Variants in ZNF726 observed in about 807,000 individuals in gnomAD.
The protein encoded by ZNF726 is zinc finger protein 92 pseudogene 3.
A neutral mutation model predicts 11.6 loss-of-function variants in ZNF726; 15 were observed. The observed-to-expected ratio is 1.29, with a 90% CI of 0.86 to 1.99. ZNF726 has a LOEUF of 1.99. ZNF726 is among the 30% of genes most tolerant of loss of function. The probability of loss-of-function intolerance (pLI) is 0.00; values close to 1 mark genes in which losing one functional copy is unlikely to be tolerated. For synonymous variants in ZNF726, 295 were observed against 243.6 expected, an observed-to-expected ratio of 1.21 and a Z score of -1.96; for missense variants, 890 against 725.6, an observed-to-expected ratio of 1.23 and a Z score of -2.60.
intron 3 of ZNF726, among the ~76,000 whole-genome samples, chr19:23,927,341 T>G (rs1345560700): frequency 6.6e-6 from 1 of 152,226 alleles, no homozygotes; most frequent in Non-Finnish European, 1.5e-5. Flanking sequence ...TTTTTATTCC[T>G]GAGCAAAAAT....
chr19:23,924,547 T>A (rs1458934722), intron 3 of ZNF726, among the ~76,000 whole-genome samples: 1 of 152,122 alleles, frequency 6.6e-6, no homozygotes, highest in African/African-American at 2.4e-5. Context: ...ATAATTGTTT[T>A]AAAAAAACAT....
chr19:23,936,940 G>T (rs1389481099), downstream of ZNF726, among the ~76,000 whole-genome samples: 1 of 151,890 alleles, frequency 6.6e-6, no homozygotes, highest in Non-Finnish European at 1.5e-5. Context: ...AACCGCCATT[G>T]TCATCATGGC....
chr19:23,929,019 A>G (rs1035611078), intron 3 of ZNF726: 1 of 151,998 alleles, frequency 6.6e-6, no homozygotes, highest in Non-Finnish European at 1.5e-5. Context: ...GCTGGTCTCA[A>G]ACTTCTGAGA....
intron 3 of ZNF726, among the ~76,000 whole-genome samples, chr19:23,931,467 C>T (rs1169362662): frequency 6.8e-6 from 1 of 146,624 alleles, no homozygotes. Context: ...CAATTTATTA[C>T]CAATTCTTAA....
chr19:23,934,150 G>A lies in ZNF726; in HGVS notation c.*183G>A. The A allele has an allele frequency of 1.1e-6, 1 of 902,212 alleles. No individual in the cohort carries two copies. Among genetic ancestry groups the A allele is most frequent in the Non-Finnish European group, 1.8e-6 (1 of 548,110 alleles). 55.9% of individuals were successfully genotyped at this position (902,212 alleles called of 1,614,324 possible). ...TGGAGAGAAACCTTACAAGTGTGAA[G>A]AATGTGGGAAAGCTTTTAATCATTC... On this transcript the variant is annotated 3_prime_UTR_variant, in exon 4 of 4. Transcript: ENST00000594466.
At position 23,919,305 on chromosome 19, in the gene ZNF726, C is replaced by T. The variant is rs549599607; in HGVS notation, c.4-68C>T. On this transcript the variant is annotated intron_variant, in intron 1 of 3. Coordinates refer to ENST00000594466, the MANE Select transcript of ZNF726 (RefSeq NM_001244038.2). ...AATTCTATTCACTTTCTGATTTTAC[C>T]TTGAGTCAAATGAAAAATTCTGCCC... 3.8e-5 allele frequency: 60 copies of T among 1,574,854 alleles called. No homozygotes were observed. The South Asian group carries it at 6.4e-4, about 17-fold the overall frequency.
chr19:23,942,516 T>A (rs537464546), intron 3 of ZNF726, among the ~76,000 whole-genome samples: 200 of 152,348 alleles, frequency 1.3e-3, no homozygotes, highest in African/African-American at 4.6e-3. Flanking sequence ...TTTCTTTGTT[T>A]ACTTTCTGTC....
Position 23,919,474 on chromosome 19 carries a change from G to A in ZNF726, c.105G>A (p.Glu35=). 6.2e-7 allele frequency: 1 copy of A among 1,604,934 alleles called. No individual in the cohort carries two copies. The highest frequency in any genetic ancestry group is 1.1e-5 in the South Asian group (1 of 89,892). Residue 35 remains glutamate, a synonymous_variant, in exon 2 of 4, where the codon GAG becomes GAA. Transcript: ENST00000594466. The part of the protein sequence containing the change: ...QKNLYRNVML[E]NYRNLAFLGI... ...ATTTATATAGGAATGTGATGTTAGA[G>A]AACTACAGAAACCTGGCCTTCCTGG...
chr19:23,924,729 A>AT (rs988434048), intron 3 of ZNF726, among the ~76,000 whole-genome samples: 8 of 151,898 alleles, frequency 5.3e-5, no homozygotes, highest in Admixed American at 5.3e-4. Flanking sequence ...CTCTACAGAT[A>AT]TTTTTTTCTA....
downstream of ZNF726, chr19:23,935,599 A>G (rs1208765868): frequency 3.2e-6 from 1 of 317,318 alleles, no homozygotes; most frequent in Non-Finnish European, 6.2e-6. Flanking sequence ...TTTCTAAACA[A>G]AATCATGCTG....
chr19:23,930,305 C>CT (rs2144984150), intron 3 of ZNF726, among the ~76,000 whole-genome samples: 1 of 152,050 alleles, frequency 6.6e-6, no homozygotes, highest in East Asian at 1.9e-4. Context: ...TATTCTTCCT[C>CT]TGAGATTTTC....
chr19:23,928,640 A>G (rs115241350), intron 3 of ZNF726: 136 of 152,250 alleles, frequency 8.9e-4, no homozygotes, highest in African/African-American at 3.2e-3. Flanking sequence ...ACCCAAGTGT[A>G]GTTACTATTT....
chr19:23,939,609 A>G (rs1186263510), intron 3 of ZNF726, among the ~76,000 whole-genome samples: 1 of 152,086 alleles, frequency 6.6e-6, no homozygotes, highest in Admixed American at 6.6e-5. Context: ...ACTTTTTTCC[A>G]TAGCGGCTGT....
chr19:23,935,683 C>A, downstream of ZNF726: 1 of 262,368 alleles, frequency 3.8e-6, no homozygotes, highest in South Asian at 4.4e-5. Flanking sequence ...TATGTAAGAT[C>A]ATTTATACTG....
chr19:23,928,922 CAGGT>C (rs1968045244), intron 3 of ZNF726: 1 of 152,108 alleles, frequency 6.6e-6, no homozygotes, highest in Non-Finnish European at 1.5e-5. Context: ...TTCAGCCTCT[CAGGT>C]AGCTGGGTTA....
At chr19:23,931,011 C>A (rs548638642) in intron 3 of ZNF726, among the ~76,000 whole-genome samples, 24 of 152,268 alleles carry the variant, frequency 1.6e-4, no homozygotes, top group African/African-American at 5.8e-4. Context: ...TATTCTGTCA[C>A]CCTCACTGGA....
downstream of ZNF726, among the ~76,000 whole-genome samples, chr19:23,937,140 G>C (rs1968250626): frequency 7.0e-6 from 1 of 143,284 alleles, no homozygotes; most frequent in African/African-American, 2.6e-5. Flanking sequence ...CGGGGGGGCT[G>C]ACCCCCCCAC....
At chr19:23,926,371 G>A (rs1244849246) in intron 3 of ZNF726, among the ~76,000 whole-genome samples, 5 of 151,892 alleles carry the variant, frequency 3.3e-5, no homozygotes, top group African/African-American at 9.7e-5. Flanking sequence ...TGGCCAACGT[G>A]GTGAAACCCC....
exon 4 of ZNF726, chr19:23,943,502 G>A (rs1051092555): frequency 1.6e-6 from 1 of 625,550 alleles, no homozygotes; most frequent in South Asian, 1.9e-5. Flanking sequence ...AGGCCTTGCT[G>A]TCTCTAACCC....
Sources: gnomAD v4.1 joint callset for allele counts (sites outside exome capture counted in the v4.1 genomes callset) on GRCh38, gnomAD v4.1.1 for gene constraint, MANE v1.5 for transcripts, NCBI Gene and HGNC (gene_info 2026-07-23, HGNC 2026-07-21) for gene names.